Variants in DTHD1 observed in about 807,000 individuals in gnomAD.
DTHD1 encodes death domain containing 1, also known as death domain-containing protein 1.
In DTHD1, 59 loss-of-function variants were observed where a neutral mutation model predicts 74.8. The observed-to-expected ratio is 0.79, with a 90% CI of 0.64 to 0.98. The LOEUF (loss-of-function observed/expected upper bound fraction) is 0.98. DTHD1 is among the 50% of genes least tolerant of loss of function. The pLI is 0.00. For missense variants in DTHD1, 1,051 were observed against 1,065.4 expected, an observed-to-expected ratio of 0.99 and a Z score of 0.19; for synonymous variants, 365 against 371.1, an observed-to-expected ratio of 0.98 and a Z score of 0.19.
intron 7 of DTHD1, chr4:36,311,424 A>C (rs1324757061): frequency 6.6e-6 from 1 of 152,204 alleles, no homozygotes; most frequent in Non-Finnish European, 1.5e-5. Flanking sequence ...AAAGAGATAA[A>C]GCTAGAGATT....
chr4:36,306,457 G>A, intron 6 of DTHD1, 105 bp downstream of exon 6: 1 of 1,210,422 alleles, frequency 8.3e-7, no homozygotes, highest in Non-Finnish European at 1.1e-6. Context: ...TCTTCGAATA[G>A]AAATATTAAC....
intron 5 of DTHD1, among the ~76,000 whole-genome samples, chr4:36,304,308 AG>A (rs1159750947): frequency 6.6e-6 from 1 of 152,222 alleles, no homozygotes; most frequent in Non-Finnish European, 1.5e-5. Flanking sequence ...TTAACTTCCA[AG>A]GGTTATAGAA....
intron 2 of DTHD1, 40 bp from the exon 3 acceptor site, chr4:36,290,333 T>G (rs1453738362): frequency 6.6e-7 from 1 of 1,506,836 alleles, no homozygotes; most frequent in Admixed American, 2.1e-5. Flanking sequence ...AGTACATAAA[T>G]CAAATAATTG....
At chr4:36,292,831 G>A (rs1209963886) in intron 3 of DTHD1, among the ~76,000 whole-genome samples, 1 of 152,200 alleles carries the variant, frequency 6.6e-6, no homozygotes, top group Non-Finnish European at 1.5e-5. Context: ...CTCATTTTAA[G>A]CTTTGGTGAT....
At chr4:36,297,025 G>C (rs1423446875) in intron 5 of DTHD1, among the ~76,000 whole-genome samples, 2 of 152,134 alleles carry the variant, frequency 1.3e-5, no homozygotes, top group African/African-American at 4.8e-5. Flanking sequence ...ATAAGCTAGA[G>C]AAAAGAAAAC....
chr4:36,333,069 T>C (rs766966705), intron 8 of DTHD1, among the ~76,000 whole-genome samples: 11 of 152,186 alleles, frequency 7.2e-5, no homozygotes, highest in Non-Finnish European at 4.4e-5. Context: ...GGAGTTAGGA[T>C]GGTTTTACCT....
intron 8 of DTHD1, among the ~76,000 whole-genome samples, chr4:36,324,434 A>G (rs1758222277): frequency 6.6e-6 from 1 of 152,230 alleles, no homozygotes. Flanking sequence ...ATCTAAATAA[A>G]TTTGATAATT....
intron 2 of DTHD1, 40 bp from the exon 3 acceptor site, chr4:36,290,333 T>A: frequency 3.3e-6 from 5 of 1,506,836 alleles, no homozygotes; most frequent in Non-Finnish European, 4.5e-6. Context: ...AGTACATAAA[T>A]CAAATAATTG....
intron 9 of DTHD1, among the ~76,000 whole-genome samples, chr4:36,339,951 T>G (rs575573749): frequency 6.6e-6 from 1 of 152,304 alleles, no homozygotes; most frequent in East Asian, 1.9e-4. Flanking sequence ...ACAACAGCAA[T>G]AGATAAAAGC....
chr4:36,294,848 T>C lies in DTHD1; in HGVS notation c.1452T>C (p.Thr484=), dbSNP rs1263628006. 5 of 1,551,198 alleles carry C rather than the reference T, an allele frequency of 3.2e-6. No individual in the cohort carries two copies. Among genetic ancestry groups the C allele is most frequent in the Admixed American group, 2.0e-5 (1 of 50,982 alleles). The change falls in exon 5 of 10, where the codon ACT becomes ACC. Residue 484 remains threonine (T), a synonymous_variant. Transcript: ENST00000639862. ...LVAHLKAQQD[T]FYSVQSTSPL... Reference sequence around the variant, plus strand: ...CACATTTAAAAGCACAGCAAGATACTTTCTACTCAGTCCAATCCACAAGCC... The same window carrying C: ...CACATTTAAAAGCACAGCAAGATACCTTCTACTCAGTCCAATCCACAAGCC...
chr4:36,291,158 A>C (rs1374592254), intron 3 of DTHD1, among the ~76,000 whole-genome samples: 4 of 152,242 alleles, frequency 2.6e-5, no homozygotes, highest in Non-Finnish European at 1.5e-5. Flanking sequence ...TGAGATTGTT[A>C]GTAAGTCTAG....
In DTHD1 at chr4:36,306,316, G is replaced by T. The variant is rs758028678; in HGVS notation, c.1769G>T (p.Gly590Val). 3 of 1,551,242 alleles carry T rather than the reference G, an allele frequency of 1.9e-6. No homozygotes were observed. The highest frequency in any genetic ancestry group is 1.4e-5 in the African/African-American group (1 of 73,148). ...GATGTTGTGAAAACCATACAGAGCG[G>T]CTTGGTATCAGTTGAATTGTATGAA... is the stretch of plus-strand genomic sequence containing the variant. ...LDDVVKTIQS[G>V]LVSVELYEHL... Residue 590 changes from glycine (G) to valine (V), a missense_variant, in exon 6 of 10, where the codon GGC (glycine) becomes GTC (valine). Transcript: ENST00000639862.
At chr4:36,294,442 T>G (rs1396819564) in intron 4 of DTHD1, among the ~76,000 whole-genome samples, 1 of 152,044 alleles carries the variant, frequency 6.6e-6, no homozygotes, top group Non-Finnish European at 1.5e-5. Flanking sequence ...GTCATGTTTT[T>G]CTAGTTTCTA....
intron 9 of DTHD1, among the ~76,000 whole-genome samples, chr4:36,340,590 AG>A (rs1759261532): frequency 6.6e-6 from 1 of 152,240 alleles, no homozygotes; most frequent in African/African-American, 2.4e-5. Context: ...AAGATCAAGT[AG>A]TGAGAAGGAA....
At chr4:36,313,798 G>A (rs1757537749) in intron 7 of DTHD1, among the ~76,000 whole-genome samples, 1 of 152,180 alleles carries the variant, frequency 6.6e-6, no homozygotes, top group Admixed American at 6.5e-5. Flanking sequence ...CCGGCAGAGA[G>A]TATAATGTCT....
intron 8 of DTHD1, among the ~76,000 whole-genome samples, chr4:36,334,882 T>A (rs1354844361): frequency 6.6e-6 from 1 of 152,206 alleles, no homozygotes; most frequent in Non-Finnish European, 1.5e-5. Flanking sequence ...ATCCTTGTGA[T>A]TGTCCATGGA....
At position 36,316,394 on chromosome 4, in the gene DTHD1, G is replaced by A. The variant is rs1483991186; in HGVS notation, c.2248G>A (p.Gly750Arg). Residue 750 changes from glycine (G) to arginine (R), a missense_variant, in exon 8 of 10, where the codon GGA (glycine) becomes AGA (arginine). Coordinates refer to ENST00000639862, the MANE Select transcript of DTHD1 (RefSeq NM_001170700.3). ...CATTGTCGTTTATAAAGTACCTAAA[G>A]GAAAGATAGTCCCCAACTTGAATCA... ...GTIVVYKVPK[G>R]KIVPNLNQSL... 10 of 1,552,062 alleles carry A rather than the reference G, an allele frequency of 6.4e-6. No individual in the cohort carries two copies. The South Asian group carries it at 8.3e-5, about 13-fold the overall frequency.
chr4:36,307,647 C>T (rs965278730), intron 6 of DTHD1, among the ~76,000 whole-genome samples: 6 of 152,230 alleles, frequency 3.9e-5, no homozygotes, highest in African/African-American at 1.2e-4. Flanking sequence ...CACAGAGATG[C>T]GTATTTTAAT....
intron 8 of DTHD1, among the ~76,000 whole-genome samples, chr4:36,338,187 G>C (rs1759117046): frequency 6.6e-6 from 1 of 152,028 alleles, no homozygotes. Flanking sequence ...TTATAATCTT[G>C]TAATTTCAAG....
Sources: gnomAD v4.1 joint callset for allele counts (sites outside exome capture counted in the v4.1 genomes callset) on GRCh38, gnomAD v4.1.1 for gene constraint, MANE v1.5 for transcripts, NCBI Gene and HGNC (gene_info 2026-07-23, HGNC 2026-07-21) for gene names.